XYLT1: variants seen among roughly 807,000 people sequenced by gnomAD.
XYLT1 encodes the protein xylosyltransferase 1.
A neutral mutation model predicts 91.3 loss-of-function variants in XYLT1; 36 were observed. The observed-to-expected ratio is 0.39, with a 90% confidence interval of 0.30 to 0.52. The LOEUF is 0.52. Among genes scored for constraint, XYLT1 ranks in the 20% least tolerant of loss-of-function variants. The pLI is 0.68. For synonymous variants in XYLT1, 588 were observed against 532.0 expected (o/e 1.11, Z -1.45); for missense variants, 1,242 against 1,284.5 (o/e 0.97, Z 0.51).
chr16:17,277,004 T>C (rs867647309), intron 2 of XYLT1, among the ~76,000 whole-genome samples: 1 of 152,214 alleles, frequency 6.6e-6, no homozygotes, highest in African/African-American at 2.4e-5. Context: ...CGACTTTTCA[T>C]ACATTCATTC....
rs1479905341 is a variant in XYLT1, at chr16:17,143,128, G to T, written c.1371-1759C>A. 3.3e-5 allele frequency among the ~76,000 whole-genome samples: 5 copies of T among 152,182 alleles called. No individual in the cohort carries two copies. The East Asian group carries it at 7.7e-4, about 23-fold the overall frequency. ...TCAGGTCCCAGAGCTGGTGACGTGGGCATGTTGGGAGGGTGGACAGAGCTA... is the reference window on the plus strand; with the variant it reads ...TCAGGTCCCAGAGCTGGTGACGTGGTCATGTTGGGAGGGTGGACAGAGCTA... On this transcript the variant is annotated intron_variant, in intron 6 of 11. Coordinates refer to ENST00000261381, the MANE Select transcript of XYLT1 (RefSeq NM_022166.4).
intron 6 of XYLT1, among the ~76,000 whole-genome samples, chr16:17,152,316 C>T (rs2031301272): frequency 6.6e-6 from 1 of 152,172 alleles, no homozygotes; most frequent in Non-Finnish European, 1.5e-5. Context: ...TGGGTGCCTA[C>T]ATAATGCCAG....
intron 5 of XYLT1, among the ~76,000 whole-genome samples, chr16:17,162,613 A>G (rs2031582363): frequency 2.0e-5 from 3 of 152,200 alleles, no homozygotes; most frequent in Non-Finnish European, 4.4e-5. Flanking sequence ...ATTCCATTTC[A>G]AGTGCAGAAG....
chr16:17,122,812 A>C (rs2030118985), intron 10 of XYLT1, among the ~76,000 whole-genome samples: 1 of 152,184 alleles, frequency 6.6e-6, no homozygotes, highest in Admixed American at 6.5e-5. Flanking sequence ...TGGCTTGCCA[A>C]TTATTTCTGC....
intron 3 of XYLT1, among the ~76,000 whole-genome samples, chr16:17,247,158 T>C (rs1047514921): frequency 7.9e-5 from 12 of 151,816 alleles, no homozygotes; most frequent in African/African-American, 2.2e-4. Context: ...CATTCATTTA[T>C]TCATTCACTC....
At chr16:17,115,688 G>GC (rs1333384117) in intron 11 of XYLT1, among the ~76,000 whole-genome samples, 1 of 150,476 alleles carries the variant, frequency 6.6e-6, no homozygotes, top group Admixed American at 6.7e-5. Flanking sequence ...TGTTGGCCAG[G>GC]CTGGTCAGGC....
intron 1 of XYLT1, among the ~76,000 whole-genome samples, chr16:17,457,796 T>G (rs996047517): frequency 7.2e-5 from 11 of 152,158 alleles, no homozygotes; most frequent in Admixed American, 7.2e-4. Flanking sequence ...AGGCTTTTAT[T>G]TCAAAGAGAA....
chr16:17,149,494 T>C (rs911088099), intron 6 of XYLT1, among the ~76,000 whole-genome samples: 3 of 152,232 alleles, frequency 2.0e-5, no homozygotes, highest in Admixed American at 6.5e-5. Flanking sequence ...TAATCTGTCA[T>C]TGAATCTAGA....
chr16:17,111,473 C>T (rs1027459328), intron 11 of XYLT1, among the ~76,000 whole-genome samples: 2 of 152,144 alleles, frequency 1.3e-5, no homozygotes, highest in Admixed American at 6.5e-5. Flanking sequence ...GCTGAGATAG[C>T]TAGGATTACA....
chr16:17,451,944 TG>T (rs757128631), intron 1 of XYLT1, among the ~76,000 whole-genome samples: 1 of 152,168 alleles, frequency 6.6e-6, no homozygotes, highest in African/African-American at 2.4e-5. Context: ...GAGAGGAAAT[TG>T]ATCAGCAGAA....
At chr16:17,446,884 C>T (rs2036597884) in intron 1 of XYLT1, among the ~76,000 whole-genome samples, 2 of 147,610 alleles carry the variant, frequency 1.4e-5, no homozygotes, top group South Asian at 2.1e-4. Flanking sequence ...TTTTCAAGTG[C>T]GGGGGACTGC....
intron 2 of XYLT1, among the ~76,000 whole-genome samples, chr16:17,267,616 A>G (rs2033826094): frequency 6.6e-6 from 1 of 152,032 alleles, no homozygotes; most frequent in African/African-American, 2.4e-5. Context: ...TCACCATGTT[A>G]GCCAGGATGG....
intron 1 of XYLT1, among the ~76,000 whole-genome samples, chr16:17,387,288 G>T (rs1012230436): frequency 6.6e-6 from 1 of 152,180 alleles, no homozygotes. Context: ...GGCAAAGAGA[G>T]AAAGAACAAC....
chr16:17,225,847 GA>G (rs2033054940), intron 3 of XYLT1, among the ~76,000 whole-genome samples: 3 of 152,180 alleles, frequency 2.0e-5, no homozygotes, highest in Admixed American at 1.3e-4. Context: ...ATTTCTTGAT[GA>G]AAATAAATTG....
Position 17,103,902 on chromosome 16 carries a change from G to T in XYLT1, c.*4793C>A, listed in dbSNP as rs1315054597. The T allele has an allele frequency of 2.0e-5, 3 of 152,416 alleles. No homozygotes were observed. Among genetic ancestry groups the T allele is most frequent in the African/African-American group, 7.3e-5 (3 of 41,336 alleles). The allele number at this position is 152,416 out of a possible 1,614,324, so 9.4% of individuals were successfully genotyped here. The stretch of plus-strand genomic sequence containing the variant: ...TCCTATACAGTATCTTGTTTGCAAG[G>T]TAAACACAAAACAAAACAAAACAAA... On this transcript the variant is annotated 3_prime_UTR_variant, in exon 12 of 12. Coordinates refer to ENST00000261381, the MANE Select transcript of XYLT1 (RefSeq NM_022166.4).
At chr16:17,422,946 G>A (rs1479875829) in intron 1 of XYLT1, among the ~76,000 whole-genome samples, 1 of 152,190 alleles carries the variant, frequency 6.6e-6, no homozygotes, top group Non-Finnish European at 1.5e-5. Flanking sequence ...ACCACGCCCT[G>A]CATCGGTGAG....
intron 1 of XYLT1, among the ~76,000 whole-genome samples, chr16:17,459,801 G>A (rs560364220): frequency 1.3e-5 from 2 of 152,278 alleles, no homozygotes; most frequent in South Asian, 2.1e-4. Context: ...ATAAGGCCTG[G>A]CACACAGCAG....
intron 1 of XYLT1, among the ~76,000 whole-genome samples, chr16:17,432,504 G>C (rs914738165): frequency 2.0e-5 from 3 of 152,130 alleles, no homozygotes; most frequent in African/African-American, 7.2e-5. Flanking sequence ...TATAGAGACA[G>C]CAGATTAGCG....
chr16:17,198,460 A>C, intron 4 of XYLT1, 46 bp from the exon 5 acceptor site: 1 of 1,574,268 alleles, frequency 6.4e-7, no homozygotes, highest in South Asian at 1.2e-5. Context: ...GGCCTAGAAA[A>C]TACCCAGGCA....
Sources: allele counts gnomAD v4.1 joint callset (sites outside exome capture counted in the v4.1 genomes callset), GRCh38; gene constraint gnomAD v4.1.1; transcripts MANE v1.5; gene names NCBI Gene and HGNC (gene_info 2026-07-23, HGNC 2026-07-21).